Variants in TENM2 observed in about 807,000 individuals in gnomAD.
The protein encoded by TENM2 is teneurin transmembrane protein 2.
In TENM2, 52 loss-of-function variants were observed where a neutral mutation model predicts 245.2. The observed-to-expected ratio is 0.21, with a 90% confidence interval of 0.17 to 0.27. The LOEUF (loss-of-function observed/expected upper bound fraction) is 0.27, where lower values mean the gene tolerates loss of function less well. Among genes scored for constraint, TENM2 ranks in the 10% least tolerant of loss-of-function variants. The pLI, the probability that TENM2 is intolerant of heterozygous loss-of-function variation, is 1.00. For synonymous variants in TENM2, 1,363 were observed against 1,438.9 expected (o/e 0.95, Z 1.19); for missense variants, 3,046 against 3,666.8 (o/e 0.83, Z 4.37).
At chr5:167,881,309 G>T (rs980601947) in intron 3 of TENM2, among the ~76,000 whole-genome samples, 3 of 152,104 alleles carry the variant, frequency 2.0e-5, no homozygotes, top group Non-Finnish European at 2.9e-5. Flanking sequence ...AAAAGCCATT[G>T]TACATCCTGT....
In TENM2 at chr5:167,983,873, T is replaced by A. The variant is rs143044594; in HGVS notation, c.948-9071T>A. ...TCACCAGGCTAATTAGAACGACTCA[T>A]TCATTCAACACATATTTTAAATCAG... On this transcript the variant is annotated intron_variant, in intron 4 of 28. Transcript: ENST00000518659. 1.5e-4 allele frequency among the ~76,000 whole-genome samples: 23 copies of A among 152,304 alleles called. 1 individual carries two copies. The East Asian group carries it at 4.4e-3, about 29-fold the overall frequency.
the TENM2 span, among the ~76,000 whole-genome samples, chr5:167,244,730 G>T: frequency 6.6e-6 from 1 of 152,112 alleles, no homozygotes; most frequent in Non-Finnish European, 1.5e-5. Flanking sequence ...TTTTAGTGAG[G>T]CTGTGAGTGG....
chr5:168,042,394 G>A (rs1308545241), intron 5 of TENM2, among the ~76,000 whole-genome samples: 1 of 152,106 alleles, frequency 6.6e-6, no homozygotes, highest in African/African-American at 2.4e-5. Flanking sequence ...AGCAGGGGCT[G>A]AGCAGCTCTC....
intron 5 of TENM2, among the ~76,000 whole-genome samples, chr5:167,999,451 T>C (rs968848859): frequency 2.6e-4 from 39 of 152,274 alleles, no homozygotes; most frequent in African/African-American, 9.4e-4. Context: ...TACACACTGG[T>C]GAGTCTTTGG....
At chr5:167,263,492 C>CT in the TENM2 span, among the ~76,000 whole-genome samples, 1 of 152,180 alleles carries the variant, frequency 6.6e-6, no homozygotes, top group South Asian at 2.1e-4. Context: ...GGACAGAATT[C>CT]TATGAATTCC....
intron 2 of TENM2, among the ~76,000 whole-genome samples, chr5:167,835,844 C>G (rs1029250603): frequency 5.3e-5 from 8 of 152,042 alleles, no homozygotes; most frequent in Non-Finnish European, 8.8e-5. Flanking sequence ...GGACAGTCAC[C>G]CCAACACCCC....
chr5:167,776,606 A>AAAAAAAAAAAAAAC (rs1763806445), intron 2 of TENM2, among the ~76,000 whole-genome samples: 1 of 96,120 alleles, frequency 1.0e-5, no homozygotes, highest in Non-Finnish European at 1.9e-5. Context: ...AAAAAAAAAA[A>AAAAAAAAAAAAAAC]AAAAAAAAAA....
the TENM2 span, among the ~76,000 whole-genome samples, chr5:167,190,630 G>A: frequency 1.3e-5 from 2 of 151,994 alleles, no homozygotes; most frequent in East Asian, 3.9e-4. Context: ...AAGAACCATG[G>A]TATCAGGAGA....
the TENM2 span, among the ~76,000 whole-genome samples, chr5:167,213,466 C>G: frequency 1.3e-5 from 2 of 152,160 alleles, no homozygotes; most frequent in South Asian, 2.1e-4. Flanking sequence ...ACTCTGTCCT[C>G]ATGACCCAGT....
intron 23 of TENM2, among the ~76,000 whole-genome samples, chr5:168,224,608 C>T (rs765600646): frequency 4.6e-5 from 7 of 152,150 alleles, no homozygotes; most frequent in Non-Finnish European, 8.8e-5. Flanking sequence ...CGCTCACAGG[C>T]CCTCCCCACA....
intron 3 of TENM2, among the ~76,000 whole-genome samples, chr5:167,904,586 C>A (rs1466945088): frequency 6.6e-6 from 1 of 152,116 alleles, no homozygotes; most frequent in Admixed American, 6.5e-5. Flanking sequence ...TGCCCAGCCC[C>A]GCCCCACACA....
chr5:167,327,329 A>G (rs1284014598), intron 1 of TENM2, among the ~76,000 whole-genome samples: 1 of 152,210 alleles, frequency 6.6e-6, no homozygotes, highest in Non-Finnish European at 1.5e-5. Flanking sequence ...TATTCTACAA[A>G]TATGTTTTGA....
the TENM2 span, among the ~76,000 whole-genome samples, chr5:167,023,961 T>C: frequency 1.3e-5 from 2 of 152,194 alleles, no homozygotes; most frequent in African/African-American, 4.8e-5. Context: ...CATCATCAAA[T>C]ATACAAAATT....
In TENM2 at chr5:168,014,373, T is replaced by A. The variant is rs374592299; in HGVS notation, c.1186+21191T>A. On this transcript the variant is annotated intron_variant, in intron 5 of 28. Coordinates refer to ENST00000518659, the Ensembl canonical transcript of TENM2. ...AGGTGACCTTCTCCAAATTATGTAA[T>A]TAGTAAGTAAGAGGGCCAGGTCTCA... 1.1e-3 allele frequency among the ~76,000 whole-genome samples: 166 copies of A among 152,212 alleles called. 2 individuals are homozygous for A. In the South Asian group the frequency reaches 0.016, roughly 15 times the overall value.
chr5:168,143,176 C>CA lies in TENM2; in HGVS notation c.2422+16210_2422+16211insA, dbSNP rs562925029. Among the ~76,000 whole-genome samples the CA allele has an allele frequency of 3.5e-3, 533 of 151,936 alleles. 5 individuals are homozygous for CA. The highest frequency in any genetic ancestry group is 4.4e-3 in the Non-Finnish European group (302 of 68,000). On this transcript the variant is annotated intron_variant, in intron 12 of 28. Coordinates refer to ENST00000518659, the Ensembl canonical transcript of TENM2. ...CAGGCTTGAACAAGGGATTTTTTGG[C>CA]CTGTGACCTAGTGCATAATTTGCAG...
At chr5:167,638,859 GTT>G (rs1234330086) in intron 2 of TENM2, among the ~76,000 whole-genome samples, 1 of 152,180 alleles carries the variant, frequency 6.6e-6, no homozygotes, top group Non-Finnish European at 1.5e-5. Flanking sequence ...GAGATCTGTA[GTT>G]ACTCTAAGTA....
At chr5:167,025,474 T>C in the TENM2 span, among the ~76,000 whole-genome samples, 1 of 152,184 alleles carries the variant, frequency 6.6e-6, no homozygotes, top group Non-Finnish European at 1.5e-5. Flanking sequence ...AAAAATTTAA[T>C]TGTAAATTAA....
At position 167,836,361 on chromosome 5, in the gene TENM2, A is replaced by G. The variant is rs140237857; in HGVS notation, c.503-39625A>G. On this transcript the variant is annotated intron_variant, in intron 2 of 28. Coordinates refer to ENST00000518659, the Ensembl canonical transcript of TENM2. ...GGGTTTCCGACCAGGCCCTACCTCC[A>G]GGAACTCACACTGGAAACATCTAAG... is the stretch of plus-strand genomic sequence containing the variant. Among the ~76,000 whole-genome samples, 22 of 152,336 alleles carry G rather than the reference A, an allele frequency of 1.4e-4. No homozygotes were observed. The East Asian group carries it at 3.5e-3, about 24-fold the overall frequency.
chr5:167,316,846 T>C (rs1311673048), intron 1 of TENM2, among the ~76,000 whole-genome samples: 2 of 152,176 alleles, frequency 1.3e-5, no homozygotes, highest in African/African-American at 4.8e-5. Flanking sequence ...CTGGTACTCA[T>C]ATTGCATAAG....
Sources: allele counts gnomAD v4.1 joint callset (sites outside exome capture counted in the v4.1 genomes callset), GRCh38; gene constraint gnomAD v4.1.1; transcripts MANE v1.5; gene names NCBI Gene and HGNC (gene_info 2026-07-23, HGNC 2026-07-21).